VAT1L: variants seen among roughly 807,000 people sequenced by gnomAD.
VAT1L encodes the protein vesicle amine transport 1 like.
Under a neutral mutation model 44.1 loss-of-function variants are expected in VAT1L, and 34 were observed. The ratio of observed to expected loss-of-function variants is 0.77; its 90% CI spans 0.59 to 1.03. The LOEUF is 1.03. Ranked by LOEUF, VAT1L falls within the 50% of genes least tolerant of loss-of-function variation. The pLI is 0.00. For synonymous variants in VAT1L, 253 were observed against 202.2 expected, an observed-to-expected ratio of 1.25 and a Z score of -2.13; for missense variants, 615 against 538.8, an observed-to-expected ratio of 1.14 and a Z score of -1.40.
intron 2 of VAT1L, among the ~76,000 whole-genome samples, chr16:77,824,981 C>G (rs1257252845): frequency 6.7e-6 from 1 of 150,046 alleles, no homozygotes; most frequent in Non-Finnish European, 1.5e-5. Flanking sequence ...GTTCTCCTGC[C>G]TCAGCCTCCT....
rs539387387 is a variant in VAT1L at position 77,891,978 on chromosome 16, A to G, written c.1077+7176A>G. Among the ~76,000 whole-genome samples the G allele has an allele frequency of 6.8e-4, 103 of 152,286 alleles. 1 individual carries two copies. The highest frequency in any genetic ancestry group is 3.4e-3 in the Middle Eastern group (1 of 294). ...TCCCAGCTACTCGGGGGGCTGAGGC[A>G]GGAGAATCACTTGAACCCGGGAGGC... On this transcript the variant is annotated intron_variant, in intron 7 of 8. Transcript: ENST00000302536.
intron 7 of VAT1L, among the ~76,000 whole-genome samples, chr16:77,893,281 A>T (rs1567500436): frequency 6.6e-6 from 1 of 152,106 alleles, no homozygotes; most frequent in Non-Finnish European, 1.5e-5. Flanking sequence ...GGGGTGTGGG[A>T]TGGCAGAGAA....
intron 7 of VAT1L, among the ~76,000 whole-genome samples, chr16:77,928,032 A>G (rs1597103233): frequency 6.6e-6 from 1 of 152,160 alleles, no homozygotes; most frequent in East Asian, 1.9e-4. Flanking sequence ...CTTCCATACA[A>G]TATCAGAATA....
intron 2 of VAT1L, among the ~76,000 whole-genome samples, chr16:77,817,691 C>T (rs1003134212): frequency 1.3e-5 from 2 of 152,142 alleles, no homozygotes; most frequent in African/African-American, 4.8e-5. Context: ...TCAAAATTCT[C>T]CATAATAAAA....
At chr16:77,959,664 T>G (rs997632751) in intron 7 of VAT1L, among the ~76,000 whole-genome samples, 3 of 152,190 alleles carry the variant, frequency 2.0e-5, no homozygotes, top group Non-Finnish European at 2.9e-5. Context: ...ATTTGTACCC[T>G]AATGACTTTG....
rs140267903 is a variant in VAT1L, at chr16:77,905,027, C to T, written c.1077+20225C>T. 8.5e-5 allele frequency among the ~76,000 whole-genome samples: 13 copies of T among 152,220 alleles called. No homozygotes were observed. The East Asian group carries it at 1.9e-3, about 23-fold the overall frequency. The stretch of plus-strand genomic sequence containing the variant: ...CCAATGATTAAAATACAGTGTTCCA[C>T]GCTCAACAAGGAGAGAGGTTCCTAG... On this transcript the variant is annotated intron_variant, in intron 7 of 8. Transcript: ENST00000302536.
At chr16:77,869,781 G>A (rs1433246696) in intron 4 of VAT1L, among the ~76,000 whole-genome samples, 7 of 152,182 alleles carry the variant, frequency 4.6e-5, no homozygotes, top group East Asian at 1.9e-4. Flanking sequence ...GGAGCACAAA[G>A]CCCACAGAGG....
At chr16:77,823,715 T>C (rs1411045601) in intron 2 of VAT1L, among the ~76,000 whole-genome samples, 9 of 152,218 alleles carry the variant, frequency 5.9e-5, no homozygotes, top group Admixed American at 5.2e-4. Flanking sequence ...AGTGATCAAA[T>C]GTACATATAG....
chr16:77,943,149 CG>C (rs567828706), intron 7 of VAT1L, among the ~76,000 whole-genome samples: 1 of 151,412 alleles, frequency 6.6e-6, no homozygotes, highest in Non-Finnish European at 1.5e-5. Context: ...CTCCACCTCC[CG>C]GGTTCAAGCG....
intron 8 of VAT1L, among the ~76,000 whole-genome samples, chr16:77,974,952 A>C (rs1007407800): frequency 2.0e-5 from 3 of 152,120 alleles, no homozygotes; most frequent in African/African-American, 7.2e-5. Flanking sequence ...GTGGTGGAAA[A>C]GAGGCTACGG....
intron 7 of VAT1L, among the ~76,000 whole-genome samples, chr16:77,933,474 C>G (rs998352430): frequency 6.6e-6 from 1 of 152,104 alleles, no homozygotes; most frequent in Non-Finnish European, 1.5e-5. Flanking sequence ...ACACTGCTCT[C>G]CTAGAATTTA....
intron 7 of VAT1L, among the ~76,000 whole-genome samples, chr16:77,898,826 C>G (rs1299558979): frequency 6.6e-6 from 1 of 152,208 alleles, no homozygotes; most frequent in Non-Finnish European, 1.5e-5. Context: ...ACTGTGGGAG[C>G]TGCTTTATGG....
intron 7 of VAT1L, among the ~76,000 whole-genome samples, chr16:77,920,151 T>C (rs1034036142): frequency 6.6e-6 from 1 of 152,156 alleles, no homozygotes; most frequent in East Asian, 1.9e-4. Context: ...AGCAAAGTGA[T>C]TGCTGTAAGG....
At chr16:77,837,957 G>C (rs1262484983) in intron 3 of VAT1L, among the ~76,000 whole-genome samples, 2 of 152,158 alleles carry the variant, frequency 1.3e-5, no homozygotes, top group Non-Finnish European at 2.9e-5. Flanking sequence ...GAAGCAAACA[G>C]GTTAGGTTGA....
At chr16:77,877,507 TG>T (rs982491310) in intron 5 of VAT1L, among the ~76,000 whole-genome samples, 1 of 104,210 alleles carries the variant, frequency 9.6e-6, no homozygotes, top group African/African-American at 4.1e-5. Flanking sequence ...AGCGGGACTC[TG>T]TCTCAAAAAA....
chr16:77,978,277 C>G lies in VAT1L; in HGVS notation c.*582C>G, dbSNP rs945003676. ...GGTCAAAAGTTTGAGCCATTCTCTTCTACCCCTTCAGTGTCTGACCCTTTC... is the reference window on the plus strand; with the variant it reads ...GGTCAAAAGTTTGAGCCATTCTCTTGTACCCCTTCAGTGTCTGACCCTTTC... On this transcript the variant is annotated 3_prime_UTR_variant, in exon 9 of 9. Transcript: ENST00000302536. The G allele has an allele frequency of 6.5e-6, 1 of 153,440 alleles. No homozygotes were observed. Among genetic ancestry groups the G allele is most frequent in the African/African-American group, 2.4e-5 (1 of 41,456 alleles). The allele number at this position is 153,440 out of a possible 1,614,324, so 9.5% of individuals were successfully genotyped here.
chr16:77,893,361 A>T (rs1478936011), intron 7 of VAT1L, among the ~76,000 whole-genome samples: 1 of 152,258 alleles, frequency 6.6e-6, no homozygotes, highest in African/African-American at 2.4e-5. Context: ...AGAGTCAGCA[A>T]TGACCAAGGG....
intron 3 of VAT1L, among the ~76,000 whole-genome samples, chr16:77,833,488 T>C (rs143724310): frequency 0.013 from 1,947 of 151,366 alleles, 32 homozygotes; most frequent in African/African-American, 0.043. Flanking sequence ...CGTGGTGGCT[T>C]ACGCCTGTAA....
chr16:77,961,009 A>G (rs545755995), intron 7 of VAT1L, among the ~76,000 whole-genome samples: 9 of 152,262 alleles, frequency 5.9e-5, no homozygotes, highest in African/African-American at 1.9e-4. Context: ...GGGTTAAATA[A>G]ACAAATCAGG....
Sources: gnomAD v4.1 joint callset for allele counts (sites outside exome capture counted in the v4.1 genomes callset) on GRCh38, gnomAD v4.1.1 for gene constraint, MANE v1.5 for transcripts, NCBI Gene and HGNC (gene_info 2026-07-23, HGNC 2026-07-21) for gene names.